GRB10: variants seen among roughly 807,000 people sequenced by gnomAD.
GRB10 encodes growth factor receptor-bound protein 10.
In GRB10, 20 loss-of-function variants were observed where a neutral mutation model predicts 80.9. The observed-to-expected ratio is 0.25, with a 90% CI of 0.17 to 0.36. The LOEUF (loss-of-function observed/expected upper bound fraction) is 0.36. Among genes scored for constraint, GRB10 ranks in the 10% least tolerant of loss-of-function variants. The pLI, the probability that GRB10 is intolerant of heterozygous loss-of-function variation, is 1.00. For synonymous variants in GRB10, 291 were observed against 291.5 expected, an observed-to-expected ratio of 1.00 and a Z score of 0.02; for missense variants, 548 against 747.7, an observed-to-expected ratio of 0.73 and a Z score of 3.12.
intron 1 of GRB10, among the ~76,000 whole-genome samples, chr7:50,788,895 G>C (rs924233856): frequency 1.3e-5 from 2 of 152,206 alleles, no homozygotes; most frequent in African/African-American, 4.8e-5. Context: ...CAGGCCTGGA[G>C]ACCAGAGATC....
At chr7:50,607,711 G>A (rs1426285799) in intron 13 of GRB10, among the ~76,000 whole-genome samples, 2 of 152,212 alleles carry the variant, frequency 1.3e-5, no homozygotes, top group Non-Finnish European at 2.9e-5. Context: ...TACACGACCT[G>A]TTCCAGACCC....
chr7:50,742,447 C>T (rs2072051348), intron 3 of GRB10, among the ~76,000 whole-genome samples: 1 of 152,296 alleles, frequency 6.6e-6, no homozygotes, highest in Middle Eastern at 3.4e-3. Flanking sequence ...CAGGATCCTA[C>T]AAGTCCTAGG....
chr7:50,599,469 C>T (rs1244238879), intron 17 of GRB10, among the ~76,000 whole-genome samples: 1 of 152,188 alleles, frequency 6.6e-6, no homozygotes, highest in Non-Finnish European at 1.5e-5. Context: ...CCTCCCTACA[C>T]CCAAGAATTG....
intron 3 of GRB10, among the ~76,000 whole-genome samples, chr7:50,746,897 G>C (rs1188795095): frequency 6.6e-6 from 1 of 152,018 alleles, no homozygotes; most frequent in Non-Finnish European, 1.5e-5. Context: ...CCCTCCCTTG[G>C]GTCCATGAAC....
At chr7:50,750,061 G>C (rs1319157742) in intron 3 of GRB10, among the ~76,000 whole-genome samples, 6 of 152,188 alleles carry the variant, frequency 3.9e-5, no homozygotes, top group African/African-American at 1.4e-4. Flanking sequence ...TCTCCCAGGT[G>C]GGGGCAAAGA....
chr7:50,611,163 A>G (rs933919149), intron 13 of GRB10, among the ~76,000 whole-genome samples: 8 of 152,178 alleles, frequency 5.3e-5, no homozygotes, highest in African/African-American at 1.7e-4. Context: ...CAGCTCACAC[A>G]ATGTTCATGA....
intron 12 of GRB10, among the ~76,000 whole-genome samples, chr7:50,613,504 A>C (rs949108045): frequency 6.6e-6 from 1 of 152,102 alleles, no homozygotes; most frequent in African/African-American, 2.4e-5. Flanking sequence ...GCATAAACTG[A>C]CCTGCATCTC....
rs763626288 is a variant in GRB10 at position 50,703,879 on chromosome 7, T to C, written c.81A>G (p.Gln27=). Residue 27 remains glutamine (Q), a synonymous_variant, in exon 5 of 19, where the codon CAA becomes CAG. Coordinates refer to ENST00000401949, the MANE Select transcript of GRB10 (RefSeq NM_001350814.2). ...QDKVEQTPRS[Q]QDPAGPGLPA... is the part of the protein sequence containing the mutation. ...GGAGTCCTGGTCCTGCCGGGTCTTG[T>C]TGACTGCGAGGTGTCTGCTCCACCT... 5.0e-6 allele frequency: 8 copies of C among 1,613,464 alleles called. No individual in the cohort carries two copies. The East Asian group carries it at 6.7e-5, about 13-fold the overall frequency.
At chr7:50,668,595 G>A (rs1173809761) in intron 7 of GRB10, among the ~76,000 whole-genome samples, 4 of 152,164 alleles carry the variant, frequency 2.6e-5, no homozygotes. Context: ...AGGAGTAAAT[G>A]AACATATAAA....
At chr7:50,658,894 C>A (rs184192226) in intron 7 of GRB10, among the ~76,000 whole-genome samples, 1 of 152,304 alleles carries the variant, frequency 6.6e-6, no homozygotes, top group East Asian at 1.9e-4. Flanking sequence ...GGTGCCGTCA[C>A]GTCGGGCCTT....
At chr7:50,751,756 T>C (rs1368994815) in intron 3 of GRB10, among the ~76,000 whole-genome samples, 8 of 152,346 alleles carry the variant, frequency 5.3e-5, no homozygotes, top group Admixed American at 1.3e-4. Flanking sequence ...GAAAACAATT[T>C]GGGGGCAGGT....
chr7:50,594,257 G>A (rs2046258522), intron 18 of GRB10, among the ~76,000 whole-genome samples: 2 of 152,122 alleles, frequency 1.3e-5, no homozygotes, highest in South Asian at 2.1e-4. Context: ...TTTTCCTCAC[G>A]AGTAAGGTGG....
chr7:50,618,122 C>G lies in GRB10; in HGVS notation c.795G>C (p.Gln265His). The G allele has an allele frequency of 2.5e-6, 4 of 1,613,940 alleles. No homozygotes were observed. Among genetic ancestry groups the G allele is most frequent in the Non-Finnish European group, 3.4e-6 (4 of 1,179,860 alleles). ...TTGACTGCTGGCACCAAGTAACCATCTGTTCTGGGAAGAAATTCTAAGAAA... is the reference window on the plus strand; with the variant it reads ...TTGACTGCTGGCACCAAGTAACCATGTGTTCTGGGAAGAAATTCTAAGAAA... ...FKNPMNFFPEQMVTWCQQSNG... is the reference protein window; with the variant it reads ...FKNPMNFFPEHMVTWCQQSNG... Residue 265 changes from glutamine to histidine, a missense_variant, in exon 10 of 19, where the codon CAG becomes CAC. Gln to His is a conservative substitution (Grantham distance 24, BLOSUM62 0). Transcript: ENST00000401949.
chr7:50,655,788 CT>C (rs1416516965), intron 7 of GRB10, among the ~76,000 whole-genome samples: 2 of 152,228 alleles, frequency 1.3e-5, no homozygotes, highest in Non-Finnish European at 2.9e-5. Context: ...CTCCTCTATA[CT>C]ATCTCAGCCA....
At chr7:50,633,747 A>G (rs2529389) in intron 7 of GRB10, among the ~76,000 whole-genome samples, 80,051 of 151,886 alleles carry the variant, frequency 0.53, 21,236 homozygotes, top group Admixed American at 0.54. Context: ...AAAGTTCACT[A>G]AAGGAATTTC....
intron 8 of GRB10, among the ~76,000 whole-genome samples, chr7:50,622,797 T>C (rs530381284): frequency 1.3e-5 from 2 of 152,020 alleles, no homozygotes; most frequent in Admixed American, 1.3e-4. Flanking sequence ...TCTTTTTTTT[T>C]TTTTTAATTT....
chr7:50,612,329 C>T (rs1301730321), intron 13 of GRB10, among the ~76,000 whole-genome samples: 1 of 152,180 alleles, frequency 6.6e-6, no homozygotes, highest in Non-Finnish European at 1.5e-5. Context: ...GGGCAATTCC[C>T]CATCCTCTGG....
chr7:50,644,141 C>A (rs79928191), intron 7 of GRB10, among the ~76,000 whole-genome samples: 1 of 152,072 alleles, frequency 6.6e-6, no homozygotes, highest in Non-Finnish European at 1.5e-5. Flanking sequence ...TTCACTATCC[C>A]GGATATTTAT....
chr7:50,776,266 C>T (rs538220803), intron 2 of GRB10, among the ~76,000 whole-genome samples: 3 of 152,262 alleles, frequency 2.0e-5, no homozygotes, highest in Admixed American at 6.5e-5. Context: ...CAGGCTAGAG[C>T]GCAGCAGCAG....
Sources: gnomAD v4.1 joint callset for allele counts (sites outside exome capture counted in the v4.1 genomes callset) on GRCh38, gnomAD v4.1.1 for gene constraint, MANE v1.5 for transcripts, NCBI Gene and HGNC (gene_info 2026-07-23, HGNC 2026-07-21) for gene names.